CDH4: variants seen among roughly 807,000 people sequenced by gnomAD.
CDH4 encodes the protein cadherin-4.
A neutral mutation model predicts 86.0 loss-of-function variants in CDH4; 33 were observed. The ratio of observed to expected loss-of-function variants is 0.38; its 90% CI spans 0.29 to 0.51. The LOEUF is 0.51. Among genes scored for constraint, CDH4 ranks in the 20% least tolerant of loss-of-function variants. CDH4 has a pLI of 0.86. For synonymous variants in CDH4, 555 were observed against 549.4 expected (o/e 1.01, Z -0.14); for missense variants, 1,114 against 1,307.4 (o/e 0.85, Z 2.28).
At chr20:61,875,344 A>G (rs1277458252) in intron 7 of CDH4, among the ~76,000 whole-genome samples, 4 of 151,978 alleles carry the variant, frequency 2.6e-5, no homozygotes, top group Non-Finnish European at 5.9e-5. Context: ...TTGGGGGGTA[A>G]CCCTTGGCAG....
chr20:61,881,236 G>T (rs1009600082), intron 7 of CDH4, among the ~76,000 whole-genome samples: 1 of 152,236 alleles, frequency 6.6e-6, no homozygotes, highest in African/African-American at 2.4e-5. Flanking sequence ...CCACCGTGGG[G>T]CCACGTGCAC....
At chr20:61,732,726 G>A (rs552513673) in intron 2 of CDH4, among the ~76,000 whole-genome samples, 16 of 152,312 alleles carry the variant, frequency 1.1e-4, no homozygotes, top group South Asian at 8.3e-4. Flanking sequence ...GGAGGACCTC[G>A]GTGTGCACCG....
intron 2 of CDH4, among the ~76,000 whole-genome samples, chr20:61,364,845 C>T (rs571083812): frequency 5.9e-5 from 9 of 152,286 alleles, no homozygotes; most frequent in South Asian, 4.2e-4. Flanking sequence ...TTTCACAGTG[C>T]GGCCCCCGAC....
chr20:61,525,582 CTG>C (rs2085903877), intron 2 of CDH4, among the ~76,000 whole-genome samples: 2 of 152,186 alleles, frequency 1.3e-5, no homozygotes. Context: ...TTGCTGAACT[CTG>C]AGAGAGCAGG....
chr20:61,629,336 C>T (rs760878766), intron 2 of CDH4, among the ~76,000 whole-genome samples: 133 of 152,156 alleles, frequency 8.7e-4, no homozygotes, highest in Non-Finnish European at 8.1e-4. Flanking sequence ...TGGGAGCAGC[C>T]GGCAGGGAGA....
chr20:61,431,431 C>T (rs1288370559), intron 2 of CDH4, among the ~76,000 whole-genome samples: 1 of 145,772 alleles, frequency 6.9e-6, no homozygotes. Flanking sequence ...GCAATCATGG[C>T]TCACTGCAGC....
chr20:61,755,762 C>T (rs2088557354), intron 3 of CDH4, among the ~76,000 whole-genome samples: 1 of 151,050 alleles, frequency 6.6e-6, no homozygotes. Context: ...ATGCCACACA[C>T]ACTACACACA....
intron 2 of CDH4, among the ~76,000 whole-genome samples, chr20:61,678,711 G>A (rs2087473856): frequency 6.6e-6 from 1 of 152,212 alleles, no homozygotes; most frequent in Non-Finnish European, 1.5e-5. Context: ...GTCCGCAGCA[G>A]CCCCACTCAG....
chr20:61,636,589 A>C (rs988081796), intron 2 of CDH4, among the ~76,000 whole-genome samples: 1 of 152,104 alleles, frequency 6.6e-6, no homozygotes, highest in Non-Finnish European at 1.5e-5. Flanking sequence ...CCTTTTGTCT[A>C]TCTTTGCGAG....
intron 8 of CDH4, among the ~76,000 whole-genome samples, chr20:61,908,961 T>G (rs576497251): frequency 1.3e-5 from 2 of 152,318 alleles, no homozygotes; most frequent in Admixed American, 1.3e-4. Context: ...TGAGGGCAGG[T>G]GTGAAGGTGG....
chr20:61,923,357 G>A, intron 9 of CDH4, 94 bp from the exon 10 acceptor site: 1 of 1,240,396 alleles, frequency 8.1e-7, no homozygotes, highest in Non-Finnish European at 1.2e-6. Context: ...CATGGCTCAG[G>A]GAGGGGTGGA....
chr20:61,456,435 G>GT (rs749917271), intron 2 of CDH4, among the ~76,000 whole-genome samples: 3 of 152,148 alleles, frequency 2.0e-5, no homozygotes, highest in South Asian at 2.1e-4. Context: ...GATATTTTTA[G>GT]TTTTCACAAA....
At chr20:61,497,527 G>T (rs2085671253) in intron 2 of CDH4, among the ~76,000 whole-genome samples, 1 of 152,194 alleles carries the variant, frequency 6.6e-6, no homozygotes, top group African/African-American at 2.4e-5. Context: ...ACACCAGTTA[G>T]AATGGCGATC....
At chr20:61,342,691 A>AT (rs1476888730) in intron 2 of CDH4, among the ~76,000 whole-genome samples, 1 of 152,174 alleles carries the variant, frequency 6.6e-6, no homozygotes, top group African/African-American at 2.4e-5. Flanking sequence ...CAGACCATTC[A>AT]TTCTGCCCTG....
intron 4 of CDH4, among the ~76,000 whole-genome samples, chr20:61,792,488 C>T (rs1455859379): frequency 4.6e-5 from 7 of 152,292 alleles, no homozygotes; most frequent in Admixed American, 2.0e-4. Flanking sequence ...GGCTGATTCC[C>T]GGGCTCTGTG....
At chr20:61,894,387 C>T (rs1984998300) in intron 7 of CDH4, among the ~76,000 whole-genome samples, 2 of 152,250 alleles carry the variant, frequency 1.3e-5, no homozygotes, top group Non-Finnish European at 1.5e-5. Context: ...CAGCAGAAAG[C>T]ATGCTTGCAT....
rs567751111 is a variant in CDH4, at chr20:61,879,755, C to G, written c.1050+5855C>G. ...TGAAGGTGAGAGTGGGCTCTGCAGA[C>G]GCAGGCGCTGTTCCGATTGTTGGGC... On this transcript the variant is annotated intron_variant, in intron 7 of 15. Transcript: ENST00000614565. The surrounding 1 kb of genome is among the most constrained non-coding windows in gnomAD (Gnocchi z 4.1). Among the ~76,000 whole-genome samples, 1 of 152,136 alleles carries G rather than the reference C, an allele frequency of 6.6e-6. No individual in the cohort carries two copies. Among genetic ancestry groups the G allele is most frequent in the East Asian group, 1.9e-4 (1 of 5,174 alleles).
At chr20:61,461,669 C>G (rs1383294246) in intron 2 of CDH4, among the ~76,000 whole-genome samples, 1 of 152,182 alleles carries the variant, frequency 6.6e-6, no homozygotes, top group East Asian at 1.9e-4. Flanking sequence ...CTGTTACTCT[C>G]TGGAATTTGT....
intron 8 of CDH4, among the ~76,000 whole-genome samples, chr20:61,901,198 G>GAGCAGA (rs1272646958): frequency 1.1e-4 from 1 of 9,306 alleles, no homozygotes; most frequent in African/African-American, 1.7e-4. Flanking sequence ...GTATTGCAGT[G>GAGCAGA]AGCAGGAGCA....
Sources: allele counts gnomAD v4.1 joint callset (sites outside exome capture counted in the v4.1 genomes callset), GRCh38; gene constraint gnomAD v4.1.1; non-coding constraint Gnocchi (gnomAD v3.1); transcripts MANE v1.5; gene names NCBI Gene and HGNC (gene_info 2026-07-23, HGNC 2026-07-21).